The following TULP4 variants were observed in gnomAD, a reference collection of about 807,000 sequenced individuals.
TULP4 encodes the protein TUB like protein 4.
In TULP4, 16 loss-of-function variants were observed where a neutral mutation model predicts 129.0. The ratio of observed to expected loss-of-function variants is 0.12; its 90% CI spans 0.08 to 0.19. The LOEUF is 0.19. Among genes scored for constraint, TULP4 ranks in the 10% least tolerant of loss-of-function variants. TULP4 has a pLI of 1.00. For missense variants in TULP4, 1,842 were observed against 2,059.1 expected, an observed-to-expected ratio of 0.89 and a Z score of 2.04; for synonymous variants, 998 against 854.0, an observed-to-expected ratio of 1.17 and a Z score of -2.94.
At chr6:158,241,329 T>C (rs1190569144) in intron 1 of TULP4, among the ~76,000 whole-genome samples, 5 of 126,372 alleles carry the variant, frequency 4.0e-5, no homozygotes, top group Non-Finnish European at 7.2e-5. Flanking sequence ...CACTCCTCAC[T>C]TCCCAGACGG....
Position 158,502,682 on chromosome 6 carries a change from GC to G in TULP4, c.3025del (p.Leu1009CysfsTer15). On this transcript the variant is annotated frameshift_variant, in exon 13 of 14. Transcript: ENST00000367097. LOFTEE classifies it high-confidence loss of function. The part of the protein sequence containing the change: ...KMAQLADSPR[A>X]PLQPLAKSKG... The stretch of plus-strand genomic sequence containing the variant: ...GGCCCAGCTGGCCGACAGCCCGCGG[GC>G]CCCCCTGCAGCCCCTGGCCAAGTCC... 6.4e-7 allele frequency: 1 copy of G among 1,557,716 alleles called. No individual in the cohort carries two copies. The highest frequency in any genetic ancestry group is 8.6e-7 in the Non-Finnish European group (1 of 1,156,992).
chr6:158,442,423 A>G (rs1041646599), intron 3 of TULP4, among the ~76,000 whole-genome samples: 4 of 151,714 alleles, frequency 2.6e-5, no homozygotes, highest in African/African-American at 9.7e-5. Context: ...CCACTAGCTG[A>G]CCCCCAGGCC....
intron 1 of TULP4, among the ~76,000 whole-genome samples, chr6:158,238,617 T>G (rs904878989): frequency 2.7e-5 from 3 of 112,160 alleles, no homozygotes; most frequent in South Asian, 7.2e-4. Flanking sequence ...AGATTAGGGA[T>G]TGGTGATGAC....
intron 1 of TULP4, among the ~76,000 whole-genome samples, chr6:158,265,685 GA>G (rs35306645): frequency 0.069 from 9,834 of 143,154 alleles, 391 homozygotes; most frequent in Middle Eastern, 0.099. Context: ...CATCTCAGAA[GA>G]AAAAAAAAAA....
chr6:158,246,817 C>T (rs948298688), intron 1 of TULP4, among the ~76,000 whole-genome samples: 33 of 152,074 alleles, frequency 2.2e-4, no homozygotes, highest in African/African-American at 6.5e-4. Context: ...GATACTCACC[C>T]GTGAGATAAA....
chr6:158,481,411 G>A (rs1280866545), intron 8 of TULP4, 122 bp downstream of exon 8: 1 of 838,402 alleles, frequency 1.2e-6, no homozygotes, highest in South Asian at 1.5e-5. Context: ...GGCTAGTGTG[G>A]AACATCCTTG....
chr6:158,298,322 A>G (rs1161131003), intron 1 of TULP4, among the ~76,000 whole-genome samples: 1 of 152,248 alleles, frequency 6.6e-6, no homozygotes, highest in African/African-American at 2.4e-5. Flanking sequence ...AACAGGATTA[A>G]GAGATTAAAG....
intron 8 of TULP4, among the ~76,000 whole-genome samples, chr6:158,487,896 G>T (rs547268898): frequency 6.6e-6 from 1 of 152,174 alleles, no homozygotes; most frequent in Non-Finnish European, 1.5e-5. Context: ...TAGTCTCTGG[G>T]GTTAAAGCAG....
chr6:158,354,251 T>G (rs1392546308), intron 1 of TULP4, among the ~76,000 whole-genome samples: 2 of 152,130 alleles, frequency 1.3e-5, no homozygotes, highest in East Asian at 3.9e-4. Flanking sequence ...AACAAAGGAG[T>G]GAACTAATAA....
In TULP4 at chr6:158,449,180, C is replaced by T. The variant is rs570707893; in HGVS notation, c.724+4C>T. 3 of 1,607,792 alleles carry T rather than the reference C, an allele frequency of 1.9e-6. No homozygotes were observed. The African/African-American group carries it at 4.0e-5, about 21-fold the overall frequency. On this transcript the variant is annotated splice_donor_region_variant and intron_variant, in intron 4 of 13. Transcript: ENST00000367097. ...GATGACTACGCCCCTCCCCAAGGTA[C>T]TCATTGGCCCTACTTTCCTTGTCAC...
intron 1 of TULP4, among the ~76,000 whole-genome samples, chr6:158,252,891 G>A (rs1348554781): frequency 6.6e-6 from 1 of 152,000 alleles, no homozygotes; most frequent in Non-Finnish European, 1.5e-5. Flanking sequence ...TTTTCTATCC[G>A]CGTTTGTGTA....
At chr6:158,288,122 A>G (rs892069377) in intron 1 of TULP4, among the ~76,000 whole-genome samples, 5 of 152,200 alleles carry the variant, frequency 3.3e-5, no homozygotes, top group Non-Finnish European at 4.4e-5. Flanking sequence ...CTGAGCCTCT[A>G]TTTCCTCATA....
rs1457308701 is a variant in TULP4, at chr6:158,407,179, CAGTAAT to C, written c.253-5880_253-5875del. 2.0e-5 allele frequency among the ~76,000 whole-genome samples: 3 copies of C among 152,338 alleles called. No homozygotes were observed. The South Asian group carries it at 6.2e-4, about 32-fold the overall frequency. On this transcript the variant is annotated intron_variant, in intron 1 of 13. Coordinates refer to ENST00000367097, the MANE Select transcript of TULP4 (RefSeq NM_020245.5). ...TGTTTCAGAGGGCTTAAGAGAAACT[CAGTAAT>C]AGTAAAGACTACCCAACTAAAAATG...
chr6:158,310,034 C>G (rs980197453), upstream of TULP4, among the ~76,000 whole-genome samples: 9 of 152,152 alleles, frequency 5.9e-5, no homozygotes, highest in Admixed American at 2.0e-4. Context: ...AAAATGTCGG[C>G]CAAATATCCC....
At chr6:158,340,897 T>G (rs1780164609) in intron 1 of TULP4, among the ~76,000 whole-genome samples, 1 of 152,206 alleles carries the variant, frequency 6.6e-6, no homozygotes, top group African/African-American at 2.4e-5. Flanking sequence ...AGGGCACAAA[T>G]GAAGCAAGAC....
At position 158,360,571 on chromosome 6, in the gene TULP4, G is replaced by A. The variant is rs1426020346; in HGVS notation, c.252+46303G>A. On this transcript the variant is annotated intron_variant, in intron 1 of 13. Transcript: ENST00000367097. ...TGGCATTTATGAAGAATTGGGTTCCGTTAAAAAATGAGTGTAGCAAAAACC... is the reference window on the plus strand; with the variant it reads ...TGGCATTTATGAAGAATTGGGTTCCATTAAAAAATGAGTGTAGCAAAAACC... Among the ~76,000 whole-genome samples, 4 of 152,162 alleles carry A rather than the reference G, an allele frequency of 2.6e-5. No individual in the cohort carries two copies. In the East Asian group the frequency reaches 5.8e-4, roughly 22 times the overall value.
At chr6:158,468,481 TAA>T (rs1273397071) in intron 6 of TULP4, among the ~76,000 whole-genome samples, 1 of 152,228 alleles carries the variant, frequency 6.6e-6, no homozygotes, top group African/African-American at 2.4e-5. Context: ...TCAGATAACT[TAA>T]ACTTATTTGC....
chr6:158,409,646 A>C (rs1317140292), intron 1 of TULP4, among the ~76,000 whole-genome samples: 1 of 152,186 alleles, frequency 6.6e-6, no homozygotes, highest in Non-Finnish European at 1.5e-5. Context: ...ACTGGGAGAT[A>C]AGGCTGCAGC....
intron 6 of TULP4, among the ~76,000 whole-genome samples, chr6:158,478,520 C>T (rs142784747): frequency 1.3e-5 from 2 of 152,188 alleles, no homozygotes; most frequent in Admixed American, 1.3e-4. Flanking sequence ...GGCCTGCCCC[C>T]TGTGTGGAAT....
Sources: allele counts gnomAD v4.1 joint callset (sites outside exome capture counted in the v4.1 genomes callset), GRCh38; gene constraint gnomAD v4.1.1; transcripts MANE v1.5; gene names NCBI Gene and HGNC (gene_info 2026-07-23, HGNC 2026-07-21).